TEX11: variants seen among roughly 807,000 people sequenced by gnomAD.
The protein encoded by TEX11 is testis-expressed protein 11.
In TEX11, 7 loss-of-function variants were observed where a neutral mutation model predicts 84.4. The ratio of observed to expected loss-of-function variants is 0.08; its 90% CI spans 0.05 to 0.16. TEX11 has a LOEUF of 0.16. Ranked by LOEUF, TEX11 falls within the 10% of genes least tolerant of loss-of-function variation. TEX11 has a pLI of 1.00. For missense variants in TEX11, 551 were observed against 660.5 expected (o/e 0.83, Z 1.82); for synonymous variants, 264 against 222.8 (o/e 1.18, Z -1.64).
At chrX:70,645,380 T>C (rs1236151731) in intron 17 of TEX11, among the ~76,000 whole-genome samples, 1 of 110,939 alleles carries the variant, frequency 9.0e-6, no homozygotes, top group Non-Finnish European at 1.9e-5. Context: ...TCCTCTAAAA[T>C]AAGGAAGAAG....
chrX:70,834,772 A>T, intron 7 of TEX11, among the ~76,000 whole-genome samples: 1 of 110,480 alleles, frequency 9.1e-6, no homozygotes, highest in Non-Finnish European at 1.9e-5. Flanking sequence ...ACAAAAAAAA[A>T]AAAAAGGCTG....
intron 2 of TEX11, among the ~76,000 whole-genome samples, chrX:70,884,895 G>A (rs990093803): frequency 9.0e-6 from 1 of 110,704 alleles, no homozygotes; most frequent in African/African-American, 3.3e-5. Flanking sequence ...CTGCTTCCTG[G>A]TGGGGAGGGA....
At chrX:70,675,426 C>T (rs2090062027) in intron 15 of TEX11, among the ~76,000 whole-genome samples, 1 of 111,632 alleles carries the variant, frequency 9.0e-6, no homozygotes, top group South Asian at 3.7e-4. Context: ...ATAAAATTGA[C>T]TACTCTGCAA....
intron 13 of TEX11, among the ~76,000 whole-genome samples, chrX:70,684,563 G>A (rs991102590): frequency 3.6e-5 from 4 of 112,322 alleles, no homozygotes; most frequent in Non-Finnish European, 7.5e-5. Flanking sequence ...GACAGAGTGA[G>A]TGAGACTCCA....
intron 9 of TEX11, among the ~76,000 whole-genome samples, chrX:70,782,580 C>A (rs753935853): frequency 2.1e-5 from 2 of 94,548 alleles, no homozygotes; most frequent in Non-Finnish European, 4.0e-5. Flanking sequence ...ACCCATCTTA[C>A]GTGCAGAGAC....
chrX:70,611,001 G>A (rs1222156851), intron 20 of TEX11, among the ~76,000 whole-genome samples: 1 of 112,062 alleles, frequency 8.9e-6, no homozygotes, highest in Admixed American at 9.5e-5. Flanking sequence ...CACCTTCCTG[G>A]AAGTCCCTGA....
At chrX:70,634,832 C>A (rs1472734700) in intron 17 of TEX11, among the ~76,000 whole-genome samples, 1 of 112,039 alleles carries the variant, frequency 8.9e-6, no homozygotes, top group Admixed American at 9.5e-5. Flanking sequence ...AACATGAGAC[C>A]TTTTCTGTCA....
At chrX:70,749,234 G>C (rs1278883745) in intron 9 of TEX11, among the ~76,000 whole-genome samples, 1 of 106,975 alleles carries the variant, frequency 9.3e-6, no homozygotes, top group Non-Finnish European at 1.9e-5. Flanking sequence ...TCTGTTGTTG[G>C]TGTATAAGAA....
rs1313462284 is a variant in TEX11 at position 70,754,033 on chromosome X, G to C, written c.693-9814C>G. On this transcript the variant is annotated intron_variant, in intron 9 of 29. Coordinates refer to ENST00000374333, the MANE Select transcript of TEX11 (RefSeq NM_031276.3). ...CACATTCCCAGCTGTGGTGGCTTCA[G>C]GGAGAGGCCCTTCTGCTTCAGAAAA... 2.7e-5 allele frequency among the ~76,000 whole-genome samples: 3 copies of C among 110,658 alleles called. 1 individual carries two copies. The highest frequency in any genetic ancestry group is 9.9e-5 in the African/African-American group (3 of 30,401).
chrX:70,728,557 C>T (rs942558413), intron 11 of TEX11, among the ~76,000 whole-genome samples: 17 of 103,766 alleles, frequency 1.6e-4, no homozygotes, highest in African/African-American at 2.8e-4. Flanking sequence ...CACAGAGCCT[C>T]GCTCATTGCT....
chrX:70,660,668 T>C (rs1030168095), intron 16 of TEX11, among the ~76,000 whole-genome samples: 2 of 112,204 alleles, frequency 1.8e-5, no homozygotes, highest in Non-Finnish European at 3.8e-5. Flanking sequence ...TCTTCTGGAA[T>C]ACTTCCTGAA....
chrX:70,678,747 G>A (rs1295527374), intron 15 of TEX11, 57 bp downstream of exon 15: 4 of 929,470 alleles, frequency 4.3e-6, no homozygotes, highest in East Asian at 6.3e-5. Flanking sequence ...TATAGTGAAT[G>A]CACTATTTTT....
At chrX:70,814,781 C>T (rs773472754) in intron 8 of TEX11, among the ~76,000 whole-genome samples, 3 of 112,177 alleles carry the variant, frequency 2.7e-5, no homozygotes, top group African/African-American at 9.7e-5. Flanking sequence ...AAAAGCTTCA[C>T]AATGAAGTAA....
At chrX:70,603,394 C>A (rs868218060) in intron 24 of TEX11, among the ~76,000 whole-genome samples, 116 of 101,514 alleles carry the variant, frequency 1.1e-3, no homozygotes, top group African/African-American at 3.8e-3. Flanking sequence ...TCAGAAATAA[C>A]GCCGCATATC....
At chrX:70,876,603 G>T (rs1317543204) in intron 3 of TEX11, among the ~76,000 whole-genome samples, 1 of 111,387 alleles carries the variant, frequency 9.0e-6, no homozygotes, top group East Asian at 2.8e-4. Context: ...TAAATTCAAG[G>T]CATTTCCAAA....
At chrX:70,565,296 G>C (rs1569328653) in intron 25 of TEX11, among the ~76,000 whole-genome samples, 1 of 108,666 alleles carries the variant, frequency 9.2e-6, no homozygotes, top group Non-Finnish European at 1.9e-5. Context: ...GTAGATTCTG[G>C]ATATTAGCCC....
chrX:70,532,765 G>A (rs1045254142), intron 28 of TEX11, among the ~76,000 whole-genome samples: 4 of 110,098 alleles, frequency 3.6e-5, no homozygotes, highest in African/African-American at 1.0e-4. Context: ...AAGGCCCGGC[G>A]TGGTGGCTTG....
chrX:70,873,009 A>T (rs1419595583), intron 4 of TEX11, among the ~76,000 whole-genome samples: 3 of 110,959 alleles, frequency 2.7e-5, no homozygotes, highest in Non-Finnish European at 3.8e-5. Flanking sequence ...GATATCTTTA[A>T]ACGTTTGTTA....
intron 16 of TEX11, among the ~76,000 whole-genome samples, chrX:70,666,881 C>T (rs995597028): frequency 9.0e-6 from 1 of 111,412 alleles, no homozygotes; most frequent in African/African-American, 3.3e-5. Context: ...TCAGTGAGGA[C>T]TTCCCTGACC....
Sources: gnomAD v4.1 joint callset for allele counts (sites outside exome capture counted in the v4.1 genomes callset) on GRCh38, gnomAD v4.1.1 for gene constraint, MANE v1.5 for transcripts, NCBI Gene and HGNC (gene_info 2026-07-23, HGNC 2026-07-21) for gene names.